NRG3: variants seen among roughly 807,000 people sequenced by gnomAD.
NRG3 encodes neuregulin 3.
In NRG3, 31 loss-of-function variants were observed where a neutral mutation model predicts 66.9. That is an observed-to-expected ratio of 0.46 (90% CI 0.35 to 0.63). NRG3 has a LOEUF of 0.63. Among genes scored for constraint, NRG3 ranks in the 20% least tolerant of loss-of-function variants. The pLI is 0.00. For synonymous variants in NRG3, 393 were observed against 359.4 expected (o/e 1.09, Z -1.06); for missense variants, 910 against 878.9 (o/e 1.04, Z -0.45).
chr10:81,967,872 G>T (rs376540762), intron 1 of NRG3, among the ~76,000 whole-genome samples: 8 of 152,116 alleles, frequency 5.3e-5, no homozygotes, highest in Non-Finnish European at 1.0e-4. Flanking sequence ...CAATCAGAAA[G>T]ACTTGTTAGG....
intron 3 of NRG3, among the ~76,000 whole-genome samples, chr10:82,816,150 CCTT>C (rs1177999585): frequency 6.6e-6 from 1 of 152,230 alleles, no homozygotes; most frequent in Admixed American, 6.5e-5. Flanking sequence ...GCTCTTCTCT[CCTT>C]CTTGTCACCC....
At chr10:82,832,597 T>G (rs1270877608) in intron 3 of NRG3, among the ~76,000 whole-genome samples, 1 of 152,206 alleles carries the variant, frequency 6.6e-6, no homozygotes, top group Non-Finnish European at 1.5e-5. Context: ...AAGAGTTTAA[T>G]AACATTGCAT....
chr10:82,211,111 T>A (rs1268391325), intron 1 of NRG3, among the ~76,000 whole-genome samples: 1 of 152,182 alleles, frequency 6.6e-6, no homozygotes, highest in Non-Finnish European at 1.5e-5. Flanking sequence ...CCTTGTCTTT[T>A]CATTCTCTTT....
At chr10:82,828,191 G>A (rs35860440) in intron 3 of NRG3, among the ~76,000 whole-genome samples, 19,155 of 152,106 alleles carry the variant, frequency 0.13, 1,236 homozygotes, top group South Asian at 0.2. Flanking sequence ...CAAGGATGGC[G>A]TAAAGAAGGC....
At chr10:82,304,427 A>G (rs966392931) in intron 1 of NRG3, among the ~76,000 whole-genome samples, 3 of 152,092 alleles carry the variant, frequency 2.0e-5, no homozygotes, top group African/African-American at 7.2e-5. Context: ...TTATTTTTCC[A>G]GTTTATCATT....
At chr10:82,727,806 C>T (rs1456255303) in intron 2 of NRG3, among the ~76,000 whole-genome samples, 1 of 152,106 alleles carries the variant, frequency 6.6e-6, no homozygotes, top group East Asian at 1.9e-4. Flanking sequence ...TCAATGGCAG[C>T]CCAAGAAAAC....
intron 2 of NRG3, among the ~76,000 whole-genome samples, chr10:82,442,973 G>A (rs372079420): frequency 4.6e-5 from 7 of 151,774 alleles, no homozygotes; most frequent in African/African-American, 9.7e-5. Context: ...GGAGACAGCC[G>A]CTAGAATAAT....
intron 1 of NRG3, among the ~76,000 whole-genome samples, chr10:82,228,742 C>T (rs938804505): frequency 1.3e-5 from 2 of 152,112 alleles, no homozygotes; most frequent in East Asian, 3.8e-4. Flanking sequence ...GAATCTTTGG[C>T]CAAATACTGG....
intron 2 of NRG3, among the ~76,000 whole-genome samples, chr10:82,698,654 C>G (rs1163737754): frequency 6.6e-6 from 1 of 152,220 alleles, no homozygotes; most frequent in East Asian, 1.9e-4. Flanking sequence ...GTTCTATTTC[C>G]TAAGCAACTT....
chr10:82,462,177 A>G (rs113926834), intron 2 of NRG3, among the ~76,000 whole-genome samples: 3,843 of 152,092 alleles, frequency 0.025, 144 homozygotes, highest in African/African-American at 0.081. Context: ...ATCTATCTTC[A>G]TATTAAAAAT....
chr10:82,444,213 C>G (rs1028983033), intron 2 of NRG3, among the ~76,000 whole-genome samples: 11 of 152,182 alleles, frequency 7.2e-5, no homozygotes, highest in African/African-American at 2.7e-4. Context: ...AGTTATTCTC[C>G]TTTCTCAGCC....
intron 1 of NRG3, among the ~76,000 whole-genome samples, chr10:82,234,457 A>T (rs2076654608): frequency 6.6e-6 from 1 of 152,154 alleles, no homozygotes; most frequent in East Asian, 1.9e-4. Context: ...TGTCATCTGG[A>T]CGTTATGTTC....
intron 2 of NRG3, among the ~76,000 whole-genome samples, chr10:82,704,336 A>T (rs2056129088): frequency 6.6e-6 from 1 of 152,180 alleles, no homozygotes; most frequent in Admixed American, 6.6e-5. Context: ...CTAAGTGTGC[A>T]ACTCAAGACT....
At chr10:82,824,719 CTTT>C (rs35568898) in intron 3 of NRG3, among the ~76,000 whole-genome samples, 7 of 138,650 alleles carry the variant, frequency 5.0e-5, no homozygotes, top group Admixed American at 7.3e-5. Context: ...ATTATAGACA[CTTT>C]TTTTTTTTTT....
chr10:82,587,076 C>G (rs2046719428), intron 2 of NRG3, among the ~76,000 whole-genome samples: 1 of 152,068 alleles, frequency 6.6e-6, no homozygotes, highest in South Asian at 2.1e-4. Context: ...AAACTATTAA[C>G]AAAATAATAC....
chr10:82,502,736 TA>T (rs1353860235), intron 2 of NRG3, among the ~76,000 whole-genome samples: 1 of 152,134 alleles, frequency 6.6e-6, no homozygotes, highest in Non-Finnish European at 1.5e-5. Flanking sequence ...TAAATCACAC[TA>T]GTATGGAATT....
chr10:82,159,064 A>G (rs1039567834), intron 1 of NRG3, among the ~76,000 whole-genome samples: 13 of 151,910 alleles, frequency 8.6e-5, no homozygotes, highest in Non-Finnish European at 1.9e-4. Flanking sequence ...TAAGACAAAC[A>G]AAAAATTAAA....
intron 2 of NRG3, among the ~76,000 whole-genome samples, chr10:82,363,349 A>G (rs2084307953): frequency 6.6e-6 from 1 of 152,254 alleles, no homozygotes; most frequent in African/African-American, 2.4e-5. Flanking sequence ...GGGCTGTGAA[A>G]ACACGTGTCC....
chr10:82,939,282 A>C (rs538887515), intron 4 of NRG3, among the ~76,000 whole-genome samples: 2 of 152,342 alleles, frequency 1.3e-5, no homozygotes, highest in Admixed American at 1.3e-4. Flanking sequence ...TGACAGGCTG[A>C]GAATACAGAT....
Sources: allele counts gnomAD v4.1 joint callset (sites outside exome capture counted in the v4.1 genomes callset), GRCh38; gene constraint gnomAD v4.1.1; transcripts MANE v1.5; gene names NCBI Gene and HGNC (gene_info 2026-07-23, HGNC 2026-07-21).